The following TMCC1 variants were observed in gnomAD, a reference collection of about 807,000 sequenced individuals.
TMCC1 encodes transmembrane and coiled-coil domain family 1, also known as transmembrane and coiled-coil domains protein 1.
In TMCC1, 15 loss-of-function variants were observed where a neutral mutation model predicts 52.4. The observed-to-expected ratio is 0.29, with a 90% CI of 0.19 to 0.44. The LOEUF is 0.44. Among genes scored for constraint, TMCC1 ranks in the 20% least tolerant of loss-of-function variants. The pLI, the probability that TMCC1 is intolerant of heterozygous loss-of-function variation, is 1.00. For missense variants in TMCC1, 503 were observed against 806.0 expected, an observed-to-expected ratio of 0.62 and a Z score of 4.55; for synonymous variants, 279 against 301.9, an observed-to-expected ratio of 0.92 and a Z score of 0.79.
chr3:129,755,941 T>C (rs767297898), intron 4 of TMCC1, among the ~76,000 whole-genome samples: 5 of 151,990 alleles, frequency 3.3e-5, no homozygotes, highest in Non-Finnish European at 7.4e-5. Context: ...CTCCTAAAAA[T>C]ACAAAACTCA....
intron 1 of TMCC1, among the ~76,000 whole-genome samples, chr3:129,882,527 G>C (rs1466741076): frequency 1.3e-5 from 2 of 152,136 alleles, no homozygotes; most frequent in African/African-American, 2.4e-5. Flanking sequence ...TAGCAAAAAA[G>C]ATTTAAAGTG....
chr3:129,734,961 G>A (rs1560294848), intron 4 of TMCC1, among the ~76,000 whole-genome samples: 1 of 149,896 alleles, frequency 6.7e-6, no homozygotes, highest in Admixed American at 6.6e-5. Context: ...GGAGTGCAGT[G>A]GCGTGATCTC....
In TMCC1 at chr3:129,684,408, G is replaced by A. The variant is rs1255496631; in HGVS notation, c.577-13144C>T. 3.3e-5 allele frequency among the ~76,000 whole-genome samples: 5 copies of A among 152,318 alleles called. No homozygotes were observed. In the East Asian group the frequency reaches 7.7e-4, roughly 23 times the overall value. On this transcript the variant is annotated intron_variant, in intron 4 of 6. Transcript: ENST00000393238. Reference sequence around the variant, plus strand: ...TCTATACTCTGTTGATGTAGGAGTCGGGGAGAGTGGGAGAGACTACGGGCA... The same window carrying A: ...TCTATACTCTGTTGATGTAGGAGTCAGGGAGAGTGGGAGAGACTACGGGCA...
chr3:129,731,021 A>C (rs1325615156), intron 4 of TMCC1, among the ~76,000 whole-genome samples: 2 of 152,246 alleles, frequency 1.3e-5, no homozygotes, highest in African/African-American at 2.4e-5. Context: ...AGCATTATCC[A>C]GGAATTAAAC....
intron 2 of TMCC1, among the ~76,000 whole-genome samples, chr3:129,864,214 G>C (rs2060522377): frequency 1.3e-5 from 2 of 152,122 alleles, no homozygotes; most frequent in South Asian, 4.1e-4. Context: ...ACGAAGTATG[G>C]CTCTTATTTC....
At chr3:129,656,181 G>A (rs2108849369) in intron 5 of TMCC1, among the ~76,000 whole-genome samples, 1 of 152,310 alleles carries the variant, frequency 6.6e-6, no homozygotes, top group South Asian at 2.1e-4. Flanking sequence ...GGAGTCCCAG[G>A]AACTAAAGAG....
At chr3:129,878,790 T>C (rs1489208338) in intron 2 of TMCC1, among the ~76,000 whole-genome samples, 3 of 152,196 alleles carry the variant, frequency 2.0e-5, no homozygotes, top group African/African-American at 7.2e-5. Flanking sequence ...CCCAGACCTA[T>C]GAAATTAGAG....
intron 6 of TMCC1, among the ~76,000 whole-genome samples, chr3:129,654,430 A>G (rs1412082295): frequency 6.6e-6 from 1 of 152,242 alleles, no homozygotes; most frequent in African/African-American, 2.4e-5. Flanking sequence ...ATGCTTTCAT[A>G]TGAAACCACT....
chr3:129,752,935 A>G (rs754458328), intron 4 of TMCC1, among the ~76,000 whole-genome samples: 8 of 152,186 alleles, frequency 5.3e-5, no homozygotes, highest in Admixed American at 2.0e-4. Flanking sequence ...ACATCTTCAC[A>G]TGGCCAGCGG....
chr3:129,870,279 C>T (rs2060850152), intron 2 of TMCC1, among the ~76,000 whole-genome samples: 1 of 151,990 alleles, frequency 6.6e-6, no homozygotes, highest in South Asian at 2.1e-4. Flanking sequence ...AAACTAAAGT[C>T]ATCAAGACAC....
intron 2 of TMCC1, among the ~76,000 whole-genome samples, chr3:129,866,364 TTATA>T: frequency 7.0e-6 from 1 of 142,176 alleles, no homozygotes; most frequent in Non-Finnish European, 1.5e-5. Context: ...AATATATATT[TTATA>T]TATATATATG....
intron 4 of TMCC1, among the ~76,000 whole-genome samples, chr3:129,768,914 G>T (rs193102298): frequency 3.3e-5 from 5 of 152,256 alleles, no homozygotes; most frequent in Non-Finnish European, 4.4e-5. Context: ...CTAGGGTTAG[G>T]CTCCTGATTT....
At chr3:129,866,376 A>G (rs1318474999) in intron 2 of TMCC1, among the ~76,000 whole-genome samples, 1 of 140,144 alleles carries the variant, frequency 7.1e-6, no homozygotes, top group African/African-American at 2.6e-5. Flanking sequence ...ATATATATAT[A>G]TGTTTTTTTT....
chr3:129,852,284 T>C (rs1185207645), intron 2 of TMCC1, among the ~76,000 whole-genome samples: 1 of 151,826 alleles, frequency 6.6e-6, no homozygotes, highest in Non-Finnish European at 1.5e-5. Flanking sequence ...TGGTGAGACA[T>C]TGTCTCTACT....
chr3:129,760,023 A>C (rs995346097), intron 4 of TMCC1, among the ~76,000 whole-genome samples: 19 of 151,562 alleles, frequency 1.3e-4, no homozygotes, highest in African/African-American at 4.1e-4. Context: ...ACCCGGCCCA[A>C]AAAAATTTTT....
chr3:129,882,438 C>A (rs1012520592), intron 1 of TMCC1, among the ~76,000 whole-genome samples: 1 of 151,434 alleles, frequency 6.6e-6, no homozygotes, highest in Admixed American at 6.6e-5. Context: ...GCTACAGCCA[C>A]TGGGGAAAAC....
In TMCC1 at chr3:129,662,943, TATC is replaced by T. The variant is rs1321031284; in HGVS notation, c.1511+7384_1511+7386del. On this transcript the variant is annotated intron_variant, in intron 5 of 6. Coordinates refer to ENST00000393238, the MANE Select transcript of TMCC1 (RefSeq NM_001017395.5). ...TAAGATTATTTTTTCTAAAAGCAAGTATCATATTTTGGTAGATGAAATTCATCC... is the reference window on the plus strand; with the variant it reads ...TAAGATTATTTTTTCTAAAAGCAAGTATATTTTGGTAGATGAAATTCATCC... Among the ~76,000 whole-genome samples, 13 of 152,338 alleles carry T rather than the reference TATC, an allele frequency of 8.5e-5. No homozygotes were observed. In the East Asian group the frequency reaches 2.3e-3, roughly 27 times the overall value.
intron 4 of TMCC1, among the ~76,000 whole-genome samples, chr3:129,752,954 CAGAA>C (rs1413847888): frequency 1.3e-5 from 2 of 152,016 alleles, no homozygotes; most frequent in African/African-American, 4.8e-5. Flanking sequence ...GGGAGAGAGA[CAGAA>C]AGAGAGAAGG....
chr3:129,738,273 C>CAAAA (rs575044593), intron 4 of TMCC1, among the ~76,000 whole-genome samples: 6 of 118,642 alleles, frequency 5.1e-5, no homozygotes, highest in Admixed American at 2.0e-4. Flanking sequence ...TCCGCCTAAA[C>CAAAA]AAAAAAAAAA....
Sources: gnomAD v4.1 joint callset for allele counts (sites outside exome capture counted in the v4.1 genomes callset) on GRCh38, gnomAD v4.1.1 for gene constraint, MANE v1.5 for transcripts, NCBI Gene and HGNC (gene_info 2026-07-23, HGNC 2026-07-21) for gene names.